ADORA2A: variants seen among roughly 807,000 people sequenced by gnomAD.
ADORA2A encodes adenosine A2a receptor.
A neutral mutation model predicts 18.4 loss-of-function variants in ADORA2A; 11 were observed. The ratio of observed to expected loss-of-function variants is 0.60; its 90% CI spans 0.38 to 0.99. The LOEUF is 0.99. ADORA2A is among the 50% of genes least tolerant of loss of function. The pLI is 0.01. For missense variants in ADORA2A, 449 were observed against 556.1 expected (o/e 0.81, Z 1.94); for synonymous variants, 218 against 237.3 (o/e 0.92, Z 0.75).
At chr22:24,434,866 C>CA (rs1186946186) in intron 2 of ADORA2A, among the ~76,000 whole-genome samples, 2 of 152,214 alleles carry the variant, frequency 1.3e-5, no homozygotes, top group African/African-American at 4.8e-5. Flanking sequence ...TCAGAGAAGA[C>CA]AGCCAGCTGT....
At chr22:24,431,194 G>C (rs1227379422) in intron 1 of ADORA2A, 1 of 456,640 alleles carries the variant, frequency 2.2e-6, no homozygotes, top group Non-Finnish European at 4.4e-6. Flanking sequence ...TGGAAAGCAG[G>C]GGCTTGGGAG....
rs201608199 is a variant in ADORA2A, at chr22:24,433,327, C to T, written c.-78C>T. 3.6e-5 allele frequency: 50 copies of T among 1,403,062 alleles called. No individual in the cohort carries two copies. The African/African-American group carries it at 4.1e-4, about 12-fold the overall frequency. 86.9% of individuals were successfully genotyped at this position (1,403,062 alleles called of 1,614,324 possible). A position where few individuals can be genotyped will look rare whatever the true frequency, so the allele number is the denominator to read the frequency against. On this transcript the variant is annotated 5_prime_UTR_variant, in exon 2 of 3. Transcript: ENST00000337539. ...CGCCTGGGCCGGGCTGGGAGCCAGG[C>T]GGGCGGCTGGGCTGCAGCAATGGAC...
At chr22:24,432,415 A>T (rs1430441226) in intron 1 of ADORA2A, 2 of 152,902 alleles carry the variant, frequency 1.3e-5, no homozygotes, top group Non-Finnish European at 2.9e-5. Context: ...GGAGCAGGCC[A>T]GGGGGGCTGA....
At chr22:24,429,917 G>C (rs1356466496) in intron 1 of ADORA2A, 1 of 152,324 alleles carries the variant, frequency 6.6e-6, no homozygotes, top group Non-Finnish European at 1.5e-5. Context: ...TTGCTCCCCA[G>C]TTACGGTCCA....
chr22:24,436,552 G>A (rs1392663937), intron 2 of ADORA2A, among the ~76,000 whole-genome samples: 2 of 152,218 alleles, frequency 1.3e-5, no homozygotes, highest in Non-Finnish European at 1.5e-5. Flanking sequence ...TGTTCCCAGA[G>A]GATAGGGAAT....
intron 2 of ADORA2A, among the ~76,000 whole-genome samples, chr22:24,434,477 C>T (rs1308047816): frequency 6.6e-6 from 1 of 152,202 alleles, no homozygotes. Context: ...CTGAATTACT[C>T]GGCATGGATT....
chr22:24,437,335 G>A (rs1394682242), intron 2 of ADORA2A, among the ~76,000 whole-genome samples: 1 of 152,182 alleles, frequency 6.6e-6, no homozygotes, highest in African/African-American at 2.4e-5. Context: ...CCTTCCAGCT[G>A]GATGGTCAAT....
chr22:24,434,819 G>A (rs953923738), intron 2 of ADORA2A, among the ~76,000 whole-genome samples: 6 of 152,250 alleles, frequency 3.9e-5, no homozygotes, highest in Non-Finnish European at 8.8e-5. Flanking sequence ...GGCCCTTAGA[G>A]GTCATTTCCT....
At chr22:24,424,209 G>C (rs2042892140), upstream of ADORA2A, among the ~76,000 whole-genome samples, 1 of 152,066 alleles carries the variant, frequency 6.6e-6, no homozygotes, top group African/African-American at 2.4e-5. This position sits in a 1 kb window ranked among gnomAD's most constrained non-coding sequence, Gnocchi z 4.9. Context: ...CCCAGGCACA[G>C]TCACGTCCCA....
In ADORA2A at chr22:24,441,162, CA is replaced by C; in HGVS notation, c.913del (p.Ser305AlafsTer4). On this transcript the variant is annotated frameshift_variant, in exon 3 of 3. Transcript: ENST00000337539. LOFTEE classifies it low-confidence loss of function (END_TRUNC). ...FRQTFRKIIRSHVLRQQEPFK... is the reference protein window; with the variant it reads ...FRQTFRKIIRXHVLRQQEPFK... ...GCCAGACCTTCCGCAAGATCATTCG[CA>C]GCCACGTCCTGAGGCAGCAAGAACC... The C allele has an allele frequency of 6.2e-7, 1 of 1,614,230 alleles. No homozygotes were observed. The highest frequency in any genetic ancestry group is 8.5e-7 in the Non-Finnish European group (1 of 1,180,054).
chr22:24,424,325 G>C (rs996329907), upstream of ADORA2A: 7 of 152,440 alleles, frequency 4.6e-5, no homozygotes, highest in Non-Finnish European at 7.3e-5. The surrounding 1 kb of genome is among the most constrained non-coding windows in gnomAD (Gnocchi z 4.9). Context: ...CGGCCGGCGC[G>C]GCGCGGGGTG....
In ADORA2A at chr22:24,433,198, G is replaced by C. The variant is rs2043085024; in HGVS notation, c.-207G>C. 1 of 599,580 alleles carries C rather than the reference G, an allele frequency of 1.7e-6. No homozygotes were observed. Among genetic ancestry groups the C allele is most frequent in the African/African-American group, 1.9e-5 (1 of 53,826 alleles). The allele number at this position is 599,580 out of a possible 1,614,324, so 37.1% of individuals were successfully genotyped here. ...TGCCAGAACCCCTGCAGAGGGCCTG[G>C]TTTCAGGAGACTCAGAGTCCTCTGT... On this transcript the variant is annotated 5_prime_UTR_variant, in exon 2 of 3. Transcript: ENST00000337539.
chr22:24,441,178 C>T lies in ADORA2A; in HGVS notation c.928C>T (p.Gln310Ter), dbSNP rs1303143275. 2 of 1,614,088 alleles carry T rather than the reference C, an allele frequency of 1.2e-6. No individual in the cohort carries two copies. The highest frequency in any genetic ancestry group is 2.7e-5 in the African/African-American group (2 of 74,950). ...RKIIRSHVLR[Q>*]QEPFKAAGTS... ...GATCATTCGCAGCCACGTCCTGAGG[C>T]AGCAAGAACCTTTCAAGGCAGCTGG... Residue 310 changes from glutamine (Q) to a stop codon, truncating the protein, a stop_gained, in exon 3 of 3, where the codon CAG becomes TAG. Transcript: ENST00000337539. LOFTEE classifies it low-confidence loss of function (END_TRUNC).
rs138352666 is a variant in ADORA2A, at chr22:24,440,934, G to A, written c.684G>A (p.Glu228=). The change falls in exon 3 of 3, where the codon GAG becomes GAA. Residue 228 remains glutamate (E), a synonymous_variant. Coordinates refer to ENST00000337539, the MANE Select transcript of ADORA2A (RefSeq NM_000675.6). ...GERARSTLQK[E]VHAAKSLAII... is the part of the protein sequence containing the mutation. The stretch of plus-strand genomic sequence containing the variant: ...GGGCACGGTCCACACTGCAGAAGGA[G>A]GTCCATGCTGCCAAGTCACTGGCCA... 2.5e-6 allele frequency: 4 copies of A among 1,614,058 alleles called. No individual in the cohort carries two copies. The highest frequency in any genetic ancestry group is 3.4e-6 in the Non-Finnish European group (4 of 1,180,040).
chr22:24,425,402 C>T (rs2042908422), upstream of ADORA2A, among the ~76,000 whole-genome samples: 2 of 149,990 alleles, frequency 1.3e-5, no homozygotes, highest in Admixed American at 6.7e-5. Context: ...GGCTGGTCCA[C>T]GGCCACGGTG....
chr22:24,423,721 C>G (rs943788662), upstream of ADORA2A: 3 of 152,234 alleles, frequency 2.0e-5, no homozygotes, highest in Admixed American at 6.5e-5. Flanking sequence ...GCGGTCCAGG[C>G]CCGTCGCGGC....
intron 1 of ADORA2A, among the ~76,000 whole-genome samples, chr22:24,428,644 T>C (rs191446319): frequency 1.4e-3 from 216 of 152,280 alleles, no homozygotes; most frequent in Admixed American, 4.5e-3. Flanking sequence ...CTGGAATGAA[T>C]TCACCTCCAT....
chr22:24,434,838 C>T (rs28529486), intron 2 of ADORA2A, among the ~76,000 whole-genome samples: 2 of 152,218 alleles, frequency 1.3e-5, no homozygotes, highest in African/African-American at 4.8e-5. Context: ...CTCTCATCTT[C>T]GGGATGGAAA....
Position 24,433,164 on chromosome 22 carries a change from T to C in ADORA2A, c.-241T>C. ...GGAACCCTGAAGCTGGGCTGAGCCA[T>C]GATGCTGCTGCCAGAACCCCTGCAG... On this transcript the variant is annotated 5_prime_UTR_variant, in exon 2 of 3. The change abolishes an upstream ATG in the 5' untranslated region. Coordinates refer to ENST00000337539, the MANE Select transcript of ADORA2A (RefSeq NM_000675.6). 1 of 581,810 alleles carries C rather than the reference T, an allele frequency of 1.7e-6. No homozygotes were observed. The highest frequency in any genetic ancestry group is 1.9e-5 in the African/African-American group (1 of 53,642). The allele number at this position is 581,810 out of a possible 1,614,324, so 36.0% of individuals were successfully genotyped here.
Sources: allele counts gnomAD v4.1 joint callset (sites outside exome capture counted in the v4.1 genomes callset), GRCh38; gene constraint gnomAD v4.1.1; non-coding constraint Gnocchi (gnomAD v3.1); transcripts MANE v1.5; gene names NCBI Gene and HGNC (gene_info 2026-07-23, HGNC 2026-07-21).